Variants in AP5Z1 observed in about 807,000 individuals in gnomAD.
AP5Z1 encodes AP-5 complex subunit zeta-1.
Under a neutral mutation model 83.0 loss-of-function variants are expected in AP5Z1, and 106 were observed. That is an observed-to-expected ratio of 1.28 (90% CI 1.09 to 1.50). The LOEUF (loss-of-function observed/expected upper bound fraction) is 1.50. Ranked by LOEUF, AP5Z1 falls within the 40% of genes most tolerant of loss-of-function variation. AP5Z1 has a pLI of 0.00. For synonymous variants in AP5Z1, 751 were observed against 514.1 expected (o/e 1.46, Z -6.23); for missense variants, 1,565 against 1,094.2 (o/e 1.43, Z -6.07).
chr7:4,775,894 G>T (rs1253137648), intron 1 of AP5Z1, 138 bp downstream of exon 1: 8 of 1,301,370 alleles, frequency 6.1e-6, no homozygotes, highest in African/African-American at 3.0e-5. Flanking sequence ...CTTGGGGATC[G>T]GGTAAGGCAA....
At chr7:4,788,480 C>A in intron 12 of AP5Z1, 186 bp downstream of exon 12, 1 of 753,906 alleles carries the variant, frequency 1.3e-6, no homozygotes, top group Non-Finnish European at 2.0e-6. Context: ...GGGGGCGGGG[C>A]CTGGTCTCAG....
At chr7:4,787,875 C>CT (rs1164271018) in intron 11 of AP5Z1, 99 bp downstream of exon 11, 1 of 1,378,706 alleles carries the variant, frequency 7.3e-7, no homozygotes, top group African/African-American at 1.5e-5. Flanking sequence ...ACCGGGGACC[C>CT]TCCTTCTTCC....
chr7:4,776,706 G>T (rs1781238718), intron 1 of AP5Z1, among the ~76,000 whole-genome samples: 2 of 152,160 alleles, frequency 1.3e-5, no homozygotes, highest in Admixed American at 6.6e-5. Context: ...CTGCACTCCA[G>T]GCTGGGGGAC....
chr7:4,789,376 C>T (rs1562413008), intron 13 of AP5Z1, among the ~76,000 whole-genome samples: 2 of 152,164 alleles, frequency 1.3e-5, no homozygotes, highest in Non-Finnish European at 2.9e-5. Context: ...CCCCTGCTGC[C>T]CCTGATAATT....
At chr7:4,783,877 G>A (rs1271405871) in intron 5 of AP5Z1, 79 bp downstream of exon 5, 58 of 1,406,686 alleles carry the variant, frequency 4.1e-5, no homozygotes, top group East Asian at 1.3e-4. Context: ...TGCCCACAGC[G>A]GCGAGGCCTG....
In AP5Z1 at chr7:4,788,855, C is replaced by T. The variant is rs768151612; in HGVS notation, c.1611C>T (p.His537=). The change falls in exon 13 of 17, where the codon CAC becomes CAT. Residue 537 remains histidine, a synonymous_variant. Transcript: ENST00000649063. The part of the protein sequence containing the change: ...SGATERLAPL[H]QLLQPMAGCA... ...GTGTCCTCAGGTTGGCGCCACTCCA[C>T]CAGCTGCTGCAGCCCATGGCCGGCT... 1.1e-5 allele frequency: 17 copies of T among 1,607,794 alleles called. No homozygotes were observed. The Admixed American group carries it at 2.0e-4, about 19-fold the overall frequency.
At chr7:4,779,768 GTA>G (rs1156680357) in intron 1 of AP5Z1, among the ~76,000 whole-genome samples, 6 of 151,992 alleles carry the variant, frequency 3.9e-5, no homozygotes, top group Non-Finnish European at 7.4e-5. Flanking sequence ...AGCCTCCTGA[GTA>G]GCTGGGATTA....
chr7:4,792,436 C>G lies in AP5Z1; in HGVS notation c.*1051C>G, dbSNP rs1390300446. The G allele has an allele frequency of 6.6e-6, 1 of 151,984 alleles. No individual in the cohort carries two copies. Among genetic ancestry groups the G allele is most frequent in the Non-Finnish European group, 1.5e-5 (1 of 68,062 alleles). 9.4% of individuals were successfully genotyped at this position (151,984 alleles called of 1,614,324 possible). A position where few individuals can be genotyped will look rare whatever the true frequency, so the allele number is the denominator to read the frequency against. On this transcript the variant is annotated 3_prime_UTR_variant, in exon 17 of 17. Coordinates refer to ENST00000649063, the MANE Select transcript of AP5Z1 (RefSeq NM_014855.3). ...CTAAGAAACCACAGGCTGAAGGCGA[C>G]TGCAGGGTCCTGCCCCTTGCCCAGC...
At chr7:4,785,494 C>T (rs1448352375) in intron 8 of AP5Z1, 28 bp from the exon 9 acceptor site, 3 of 1,613,174 alleles carry the variant, frequency 1.9e-6, no homozygotes, top group South Asian at 1.1e-5. Context: ...AGCGACTCGG[C>T]CCATTTGATG....
intron 10 of AP5Z1, 84 bp downstream of exon 10, chr7:4,786,512 C>T (rs907686768): frequency 2.3e-5 from 34 of 1,493,162 alleles, no homozygotes; most frequent in Non-Finnish European, 2.6e-5. Context: ...GGGTTCAGGG[C>T]GAGTCCTGGC....
rs1183391180 is a variant in AP5Z1, at chr7:4,791,146, C to T, written c.2185C>T (p.Leu729=). 1.9e-6 allele frequency: 3 copies of T among 1,608,242 alleles called. No homozygotes were observed. Among genetic ancestry groups the T allele is most frequent in the Non-Finnish European group, 1.7e-6 (2 of 1,177,360 alleles). Residue 729 remains leucine, a synonymous_variant, in exon 17 of 17, where the codon CTG becomes TTG. Coordinates refer to ENST00000649063, the MANE Select transcript of AP5Z1 (RefSeq NM_014855.3). The stretch of plus-strand genomic sequence containing the variant: ...TTTATTGCTGTCAAAGATGAGGACC[C>T]TGGCTCACAGTCCAGCCACCAGCTC... ...ASLLLSKMRT[L]AHSPATSSTH... is the part of the protein sequence containing the mutation.
intron 1 of AP5Z1, among the ~76,000 whole-genome samples, chr7:4,780,685 G>A (rs2115101549): frequency 6.6e-6 from 1 of 152,274 alleles, no homozygotes; most frequent in Non-Finnish European, 1.5e-5. Flanking sequence ...AGAATTGCTT[G>A]AACCCCGGAG....
intron 4 of AP5Z1, 109 bp downstream of exon 4, chr7:4,783,569 G>A: frequency 1.3e-6 from 2 of 1,539,630 alleles, no homozygotes; most frequent in Non-Finnish European, 1.8e-6. Context: ...GACACGGGGA[G>A]GCCCGAGGGT....
intron 1 of AP5Z1, among the ~76,000 whole-genome samples, chr7:4,779,088 T>C (rs1042807442): frequency 1.5e-4 from 21 of 140,982 alleles, no homozygotes; most frequent in Admixed American, 1.4e-3. Context: ...ATATGTAATA[T>C]ATATAAAATA....
At chr7:4,782,301 C>T (rs1447589116) in intron 3 of AP5Z1, among the ~76,000 whole-genome samples, 1 of 152,116 alleles carries the variant, frequency 6.6e-6, no homozygotes, top group Non-Finnish European at 1.5e-5. Flanking sequence ...AGCAATCCAC[C>T]CTCCTTGGCC....
At chr7:4,783,892 C>G in intron 5 of AP5Z1, 94 bp downstream of exon 5, 2 of 1,314,778 alleles carry the variant, frequency 1.5e-6, no homozygotes, top group Non-Finnish European at 2.1e-6. Flanking sequence ...GGCCTGCTGT[C>G]GTTCCGCGGG....
At chr7:4,789,727 C>T (rs1583240098) in intron 13 of AP5Z1, 105 bp from the exon 14 acceptor site, 3 of 795,098 alleles carry the variant, frequency 3.8e-6, no homozygotes, top group South Asian at 1.8e-5. Context: ...GACGAGGAGT[C>T]TCCAGCCCCT....
intron 1 of AP5Z1, among the ~76,000 whole-genome samples, chr7:4,780,744 T>A (rs1781359552): frequency 1.3e-5 from 2 of 151,944 alleles, no homozygotes; most frequent in Non-Finnish European, 2.9e-5. Flanking sequence ...CCAGCCCGGG[T>A]GACAGAGCAA....
At chr7:4,786,071 C>G (rs1377802587) in intron 9 of AP5Z1, among the ~76,000 whole-genome samples, 179 bp from the exon 10 acceptor site, 1 of 152,224 alleles carries the variant, frequency 6.6e-6, no homozygotes, top group African/African-American at 2.4e-5. Flanking sequence ...GACTCACGAG[C>G]TGTCCGTGTC....
Sources: allele counts gnomAD v4.1 joint callset (sites outside exome capture counted in the v4.1 genomes callset), GRCh38; gene constraint gnomAD v4.1.1; transcripts MANE v1.5; gene names NCBI Gene and HGNC (gene_info 2026-07-23, HGNC 2026-07-21).